Variants in CYP4A22 observed in about 807,000 individuals in gnomAD.
The protein encoded by CYP4A22 is cytochrome P450 family 4 subfamily A member 22.
CYP4A22 carries 46 observed loss-of-function variants against 56.2 expected under a neutral mutation model. That is an observed-to-expected ratio of 0.82 (90% CI 0.65 to 1.05). The LOEUF is 1.05. CYP4A22 is among the 50% of genes least tolerant of loss of function. CYP4A22 has a pLI of 0.00. For synonymous variants in CYP4A22, 193 were observed against 251.1 expected (o/e 0.77, Z 2.19); for missense variants, 541 against 645.9 (o/e 0.84, Z 1.76).
chr1:47,141,683 A>G (rs1329779832), intron 3 of CYP4A22, 68 bp downstream of exon 3: 1 of 1,577,064 alleles, frequency 6.3e-7, no homozygotes, highest in African/African-American at 1.4e-5. Context: ...TGGCTCACAG[A>G]GAACAACAGA....
chr1:47,141,167 T>A (rs1482957286), intron 2 of CYP4A22, among the ~76,000 whole-genome samples: 1 of 152,236 alleles, frequency 6.6e-6, no homozygotes, highest in East Asian at 1.9e-4. Flanking sequence ...AAAATTGAGG[T>A]TTTCTGAAAC....
intron 2 of CYP4A22, 69 bp from the exon 3 acceptor site, chr1:47,141,502 T>G: frequency 6.4e-7 from 1 of 1,560,664 alleles, no homozygotes; most frequent in Non-Finnish European, 8.8e-7. Flanking sequence ...CACCAAGAAC[T>G]GATGCTGCCT....
Position 47,144,189 on chromosome 1 carries a change from G to A in CYP4A22, c.791-168G>A, listed in dbSNP as rs188801006. Among the ~76,000 whole-genome samples, 641 of 152,304 alleles carry A rather than the reference G, an allele frequency of 4.2e-3. 6 individuals are homozygous for A. The highest frequency in any genetic ancestry group is 0.014 in the African/African-American group (591 of 41,562). On this transcript the variant is annotated intron_variant, in intron 6 of 11. Coordinates refer to ENST00000371891, the MANE Select transcript of CYP4A22 (RefSeq NM_001010969.4). ...CCATGAACTGTGCCACTGGTGGGAG[G>A]GGTGCCCTGCCTCACACAGTACTAG...
intron 11 of CYP4A22, chr1:47,147,046 C>T (rs1183705319): frequency 1.5e-5 from 15 of 985,298 alleles, no homozygotes; most frequent in South Asian, 4.7e-5. Flanking sequence ...TGGAAATCAT[C>T]GTGGCATCAG....
In CYP4A22 at chr1:47,148,770, C is replaced by A. The variant is rs376754437; in HGVS notation, c.1533C>A (p.Asn511Lys). 9 of 1,611,906 alleles carry A rather than the reference C, an allele frequency of 5.6e-6. No individual in the cohort carries two copies. The South Asian group carries it at 9.9e-5, about 18-fold the overall frequency. Residue 511 changes from asparagine (N) to lysine (K), a missense_variant, in exon 12 of 12, where the codon AAC (asparagine) becomes AAA (lysine). Physicochemically the swap from Asn to Lys is moderately conservative, Grantham distance 94. Around this residue, in one of 3 missense-constraint regions of CYP4A22, gnomAD observed 204 missense variants for 258.9 expected, o/e 0.79. Coordinates refer to ENST00000371891, the MANE Select transcript of CYP4A22 (RefSeq NM_001010969.4). ...GIHLRLRRLPNPCEDKDQL is the reference protein window; with the variant it reads ...GIHLRLRRLPKPCEDKDQL ...ACCTGCGTCTCAGGAGGCTCCCTAA[C>A]CCTTGTGAAGACAAGGACCAGCTTT...
Position 47,143,903 on chromosome 1 carries a change from C to G in CYP4A22, c.777C>G (p.Ala259=). Residue 259 remains alanine (A), a synonymous_variant, in exon 6 of 12, where the codon GCC becomes GCG. Coordinates refer to ENST00000371891, the MANE Select transcript of CYP4A22 (RefSeq NM_001010969.4). ...GGACACACCGCGCCTGCCAGCTGGC[C>G]CATCAGCACACAGGTTCTGTCTCTT... ...GRWTHRACQL[A]HQHTDQVIQL... is the part of the protein sequence containing the mutation. The G allele has an allele frequency of 6.2e-7, 1 of 1,611,674 alleles. No individual in the cohort carries two copies. Among genetic ancestry groups the G allele is most frequent in the African/African-American group, 1.3e-5 (1 of 74,998 alleles).
In CYP4A22 at chr1:47,138,657, T is replaced by C. The variant is rs1168259416; in HGVS notation, c.195+977T>C. On this transcript the variant is annotated intron_variant, in intron 1 of 11. Coordinates refer to ENST00000371891, the MANE Select transcript of CYP4A22 (RefSeq NM_001010969.4). ...TTTTTTTGAGCTCATCAGCTATCAT[T>C]AGTGTTCGTGTATTTTATGCACGGC... Among the ~76,000 whole-genome samples the C allele has an allele frequency of 2.0e-5, 3 of 152,336 alleles. No homozygotes were observed. In the South Asian group the frequency reaches 6.2e-4, roughly 32 times the overall value.
At chr1:47,141,706 A>G in intron 3 of CYP4A22, 91 bp downstream of exon 3, 2 of 1,496,960 alleles carry the variant, frequency 1.3e-6, no homozygotes, top group South Asian at 1.2e-5. Context: ...AGAGGCCACC[A>G]CTATCATGAC....
rs536383705 is a variant in CYP4A22 at position 47,148,572 on chromosome 1, G to T, written c.1365-30G>T. ...AGATCAGAATGGGGCCTGAGGACAC[G>T]TCTCAATTCATTGTCTCCGCCTGGC... is the stretch of plus-strand genomic sequence containing the variant. On this transcript the variant is annotated intron_variant, in intron 11 of 11. Coordinates refer to ENST00000371891, the MANE Select transcript of CYP4A22 (RefSeq NM_001010969.4). 3.4e-4 allele frequency: 545 copies of T among 1,581,628 alleles called. 6 individuals carry two copies. In the Middle Eastern group the frequency reaches 5.5e-3, roughly 16 times the overall value.
At chr1:47,145,008 C>G (rs186919328) in intron 9 of CYP4A22, 38 bp downstream of exon 9, 1 of 1,611,610 alleles carries the variant, frequency 6.2e-7, no homozygotes, top group South Asian at 1.1e-5. Flanking sequence ...AAAGTCTCCA[C>G]GGGGACGTGT....
chr1:47,147,530 C>T, intron 11 of CYP4A22: 1 of 754,548 alleles, frequency 1.3e-6, no homozygotes, highest in Non-Finnish European at 1.6e-6. Context: ...CATTCTTTCA[C>T]TCATTCACTC....
chr1:47,137,547 T>G lies in CYP4A22; in HGVS notation c.62T>G (p.Val21Gly), dbSNP rs1018478866. The G allele has an allele frequency of 1.2e-6, 2 of 1,614,220 alleles. No individual in the cohort carries two copies. The highest frequency in any genetic ancestry group is 2.7e-5 in the African/African-American group (2 of 75,062). ...GGTGGTGTCTCCGGGATCCTCCAAG[T>G]GACCTCCCTGCTCATTCTGCTTCTG... ...RLGGVSGILQVTSLLILLLLL... is the reference protein window; with the variant it reads ...RLGGVSGILQGTSLLILLLLL... Residue 21 changes from valine (V) to glycine (G), a missense_variant, in exon 1 of 12, where the codon GTG (valine) becomes GGG (glycine). Physicochemically the swap from Val to Gly is moderately radical, Grantham distance 109 (BLOSUM62 -3). Around this residue, in one of 3 missense-constraint regions of CYP4A22, gnomAD observed 335 missense variants for 361.2 expected, o/e 0.93. Coordinates refer to ENST00000371891, the MANE Select transcript of CYP4A22 (RefSeq NM_001010969.4).
rs2056899 is a variant in CYP4A22 at position 47,142,179 on chromosome 1, A to T, written c.454A>T (p.Asn152Tyr). ...HRRMLTPAFHNDILKPYVGLM... is the reference protein window; with the variant it reads ...HRRMLTPAFHYDILKPYVGLM... ...ACGGATGCTGACCCCAGCCTTCCAC[A>T]ATGACATCCTGAAGCCATACGTGGG... is the stretch of plus-strand genomic sequence containing the variant. Residue 152 changes from asparagine (N) to tyrosine (Y), a missense_variant, in exon 4 of 12, where the codon AAT becomes TAT. Physicochemically the swap from Asn to Tyr is moderately radical, Grantham distance 143. Around this residue, in one of 3 missense-constraint regions of CYP4A22, gnomAD observed 335 missense variants for 361.2 expected, o/e 0.93. Transcript: ENST00000371891. 0.46 allele frequency: 738,300 copies of T among 1,613,266 alleles called. 187,716 individuals carry two copies. The highest frequency in any genetic ancestry group is 0.99 in the East Asian group (44,347 of 44,844).
intron 9 of CYP4A22, among the ~76,000 whole-genome samples, chr1:47,145,412 C>T (rs1204510834): frequency 6.6e-6 from 1 of 152,210 alleles, no homozygotes; most frequent in African/African-American, 2.4e-5. Context: ...CAAGCCTCAA[C>T]TCCCCCAGTT....
chr1:47,144,360 A>G lies in CYP4A22; in HGVS notation c.794A>G (p.Gln265Arg). Residue 265 changes from glutamine to arginine, a missense_variant, in exon 7 of 12, where the codon CAA becomes CGA. Physicochemically the swap from Gln to Arg is conservative, Grantham distance 43 (BLOSUM62 1). This residue lies in a region of CYP4A22 where 335 missense variants were observed against 361.2 expected (regional missense o/e 0.93). Transcript: ENST00000371891. ...GGTAACCATTGTTCTGGTACAGACC[A>G]AGTGATCCAACTGAGGAAGGCTCAA... ...ACQLAHQHTD[Q>R]VIQLRKAQLQ... 1 of 1,613,940 alleles carries G rather than the reference A, an allele frequency of 6.2e-7. No homozygotes were observed. The highest frequency in any genetic ancestry group is 8.5e-7 in the Non-Finnish European group (1 of 1,179,828).
At chr1:47,146,194 G>A (rs1306008583) in intron 11 of CYP4A22, 41 bp downstream of exon 11, 1 of 1,614,120 alleles carries the variant, frequency 6.2e-7, no homozygotes, top group Non-Finnish European at 8.5e-7. Context: ...AGAAATGAGG[G>A]AAGTCTCTGG....
At chr1:47,147,089 T>C (rs1226656771) in intron 11 of CYP4A22, 6 of 985,260 alleles carry the variant, frequency 6.1e-6, no homozygotes, top group Non-Finnish European at 7.2e-6. Context: ...CAGGCAAAAA[T>C]GATAAAAATT....
At chr1:47,140,954 C>A in intron 2 of CYP4A22, 33 bp downstream of exon 2, 1 of 1,611,614 alleles carries the variant, frequency 6.2e-7, no homozygotes, top group South Asian at 1.1e-5. Context: ...ACTGCAATTT[C>A]TCTTCCCTCT....
At chr1:47,138,172 A>G (rs1185150574) in intron 1 of CYP4A22, among the ~76,000 whole-genome samples, 7 of 152,300 alleles carry the variant, frequency 4.6e-5, no homozygotes, top group South Asian at 4.1e-4. Context: ...CTGCAGGAAA[A>G]GAGCTCACTC....
Sources: gnomAD v4.1 joint callset for allele counts (sites outside exome capture counted in the v4.1 genomes callset) on GRCh38, gnomAD v4.1.1 for gene constraint, gnomAD v4.1.1 regional missense constraint, MANE v1.5 for transcripts, NCBI Gene and HGNC (gene_info 2026-07-23, HGNC 2026-07-21) for gene names.